UTP20: variants seen among roughly 807,000 people sequenced by gnomAD.
The protein encoded by UTP20 is UTP20 small subunit processome component.
A neutral mutation model predicts 329.5 loss-of-function variants in UTP20; 164 were observed. The observed-to-expected ratio is 0.50, with a 90% CI of 0.44 to 0.57. UTP20 has a LOEUF of 0.57. UTP20 is among the 20% of genes least tolerant of loss of function. The probability of loss-of-function intolerance (pLI) is 0.00; values close to 1 mark genes in which losing one functional copy is unlikely to be tolerated. For synonymous variants in UTP20, 1,151 were observed against 1,159.3 expected (o/e 0.99, Z 0.14); for missense variants, 3,055 against 3,284.2 (o/e 0.93, Z 1.71).
At chr12:101,289,978 CTA>C in intron 6 of UTP20, 157 bp from the exon 7 acceptor site, 1 of 539,986 alleles carries the variant, frequency 1.9e-6, no homozygotes, top group Non-Finnish European at 3.1e-6. Flanking sequence ...TGAGAACACA[CTA>C]TTAGAGTAGT....
At chr12:101,363,784 A>G (rs1365662203) in intron 45 of UTP20, 41 bp downstream of exon 45, 1 of 1,326,160 alleles carries the variant, frequency 7.5e-7, no homozygotes, top group South Asian at 1.2e-5. Context: ...CAGCATTACA[A>G]TCTCATGAGT....
In UTP20 at chr12:101,302,483, C is replaced by T; in HGVS notation, c.1711C>T (p.Leu571=). ...LFVLCQAVNT[L]LSLEESSELL... The stretch of plus-strand genomic sequence containing the variant: ...TGTTCTTTGTCAAGCTGTAAATACT[C>T]TACTAAGTTTGGAAGAATCTTCTGA... The change falls in exon 15 of 62, where the codon CTA becomes TTA. Residue 571 remains leucine (L), a synonymous_variant. Transcript: ENST00000261637. 2 of 1,610,600 alleles carry T rather than the reference C, an allele frequency of 1.2e-6. No individual in the cohort carries two copies. Among genetic ancestry groups the T allele is most frequent in the Non-Finnish European group, 1.7e-6 (2 of 1,179,126 alleles).
intron 27 of UTP20, among the ~76,000 whole-genome samples, chr12:101,331,815 C>T (rs1035771816): frequency 1.3e-5 from 2 of 151,572 alleles, no homozygotes; most frequent in South Asian, 4.1e-4. Flanking sequence ...TAAATTATCA[C>T]TTGTATGTCT....
chr12:101,371,205 G>A (rs2121030002), intron 51 of UTP20, 37 bp downstream of exon 51: 1 of 1,463,078 alleles, frequency 6.8e-7, no homozygotes, highest in South Asian at 1.3e-5. Context: ...GCAAGGGCTG[G>A]GCCCTGCCGC....
chr12:101,294,776 T>G (rs1393755090), intron 11 of UTP20, among the ~76,000 whole-genome samples: 2 of 151,998 alleles, frequency 1.3e-5, no homozygotes, highest in African/African-American at 2.4e-5. Context: ...ACTCCTGACC[T>G]CAGATGATCT....
At position 101,300,002 on chromosome 12, in the gene UTP20, T is replaced by C. The variant is rs1434492415; in HGVS notation, c.1616T>C (p.Leu539Pro). Residue 539 changes from leucine to proline, a missense_variant, in exon 14 of 62, where the codon CTC becomes CCC. Coordinates refer to ENST00000261637, the MANE Select transcript of UTP20 (RefSeq NM_014503.3). ...RPLEKEKVIP[L>P]VTGFIEALFM... ...CTTGAGAAAGAGAAGGTGATACCACTCGTCACCGGCTTCATAGAGGCACTC... is the reference window on the plus strand; with the variant it reads ...CTTGAGAAAGAGAAGGTGATACCACCCGTCACCGGCTTCATAGAGGCACTC... The C allele has an allele frequency of 3.7e-6, 6 of 1,614,030 alleles. No individual in the cohort carries two copies. The highest frequency in any genetic ancestry group is 5.1e-6 in the Non-Finnish European group (6 of 1,180,012).
In UTP20 at chr12:101,316,397, G is replaced by A. The variant is rs1369531224; in HGVS notation, c.2553-1081G>A. Among the ~76,000 whole-genome samples, 3 of 152,224 alleles carry A rather than the reference G, an allele frequency of 2.0e-5. No individual in the cohort carries two copies. The East Asian group carries it at 5.8e-4, about 29-fold the overall frequency. On this transcript the variant is annotated intron_variant, in intron 21 of 61. Coordinates refer to ENST00000261637, the MANE Select transcript of UTP20 (RefSeq NM_014503.3). ...GTATGTAATGTGTGGTTAATTGAAT[G>A]TTGTAAGTATAATAGGTATGATATT...
intron 16 of UTP20, 141 bp downstream of exon 16, chr12:101,306,206 C>A: frequency 9.1e-7 from 1 of 1,099,800 alleles, no homozygotes; most frequent in Non-Finnish European, 1.3e-6. Flanking sequence ...TAAATGTTGG[C>A]CTGCAAACCA....
intron 57 of UTP20, 109 bp from the exon 58 acceptor site, chr12:101,381,031 A>G: frequency 1.1e-6 from 1 of 932,016 alleles, no homozygotes. Context: ...GTGGTCATTC[A>G]GAGCAAAATC....
intron 6 of UTP20, 162 bp from the exon 7 acceptor site, chr12:101,289,975 A>G: frequency 2.1e-6 from 1 of 468,750 alleles, no homozygotes; most frequent in Middle Eastern, 5.9e-4. Context: ...AAGTGAGAAC[A>G]CACTATTAGA....
chr12:101,366,189 G>A (rs556431531), intron 46 of UTP20, among the ~76,000 whole-genome samples: 4 of 152,122 alleles, frequency 2.6e-5, no homozygotes, highest in East Asian at 1.9e-4. Context: ...CCGAGATCGC[G>A]CCACTGTACT....
chr12:101,385,348 G>A (rs572686397), intron 60 of UTP20, among the ~76,000 whole-genome samples: 95 of 152,236 alleles, frequency 6.2e-4, no homozygotes, highest in African/African-American at 2.0e-3. Context: ...GGAGTGCTAT[G>A]TCTAGCATTG....
chr12:101,385,452 TTTTG>T, intron 60 of UTP20, 127 bp from the exon 61 acceptor site: 40 of 1,081,556 alleles, frequency 3.7e-5, no homozygotes, highest in African/African-American at 6.4e-5. Flanking sequence ...TGAAATTTTG[TTTTG>T]TTTTATTTGG....
chr12:101,321,484 G>T lies in UTP20; in HGVS notation c.2916-20G>T. 6.2e-7 allele frequency: 1 copy of T among 1,610,688 alleles called. No homozygotes were observed. The highest frequency in any genetic ancestry group is 8.5e-7 in the Non-Finnish European group (1 of 1,178,380). On this transcript the variant is annotated intron_variant, in intron 24 of 61. Transcript: ENST00000261637. ...CACTGTTGATAAAGTGGTGATTTGT[G>T]CTGTTCTCTGTTTTTAAAGGGAAAA...
chr12:101,291,047 G>A, intron 8 of UTP20, 159 bp downstream of exon 8: 1 of 662,466 alleles, frequency 1.5e-6, no homozygotes, highest in Non-Finnish European at 2.3e-6. Context: ...CTGCCCCCCT[G>A]TGCTATTTTT....
intron 2 of UTP20, among the ~76,000 whole-genome samples, chr12:101,285,282 A>G (rs2137228356): frequency 6.6e-6 from 1 of 152,326 alleles, no homozygotes; most frequent in South Asian, 2.1e-4. Context: ...TTTGCCTAAA[A>G]TTATAAAAAA....
At chr12:101,379,669 T>C in intron 57 of UTP20, 111 bp downstream of exon 57, 1 of 1,191,942 alleles carries the variant, frequency 8.4e-7, no homozygotes, top group Non-Finnish European at 1.2e-6. Context: ...AACCAACAAT[T>C]TGTTGTACAG....
intron 42 of UTP20, 42 bp from the exon 43 acceptor site, chr12:101,356,884 C>T (rs1326913982): frequency 1.3e-6 from 2 of 1,577,306 alleles, no homozygotes. Flanking sequence ...TTAATTGCTT[C>T]TGTTTATTTG....
In UTP20 at chr12:101,329,317, C is replaced by T. The variant is rs1385317913; in HGVS notation, c.3285C>T (p.His1095=). Residue 1095 remains histidine (H), a synonymous_variant, in exon 27 of 62, where the codon CAC becomes CAT. Transcript: ENST00000261637. ...LSKVLPLGRQ[H]GILNSLEIVL... is the part of the protein sequence containing the mutation. ...AAGTTCTTCCTTTAGGTCGTCAGCA[C>T]GGTATCTTAAACAGCCTTGAGATAG... 9 of 1,613,994 alleles carry T rather than the reference C, an allele frequency of 5.6e-6. No homozygotes were observed. The highest frequency in any genetic ancestry group is 1.3e-5 in the African/African-American group (1 of 74,910).
Sources: allele counts gnomAD v4.1 joint callset (sites outside exome capture counted in the v4.1 genomes callset), GRCh38; gene constraint gnomAD v4.1.1; transcripts MANE v1.5; gene names NCBI Gene and HGNC (gene_info 2026-07-23, HGNC 2026-07-21).